The following CHST11 variants were observed in gnomAD, a reference collection of about 807,000 sequenced individuals.
CHST11 encodes carbohydrate sulfotransferase 11.
Under a neutral mutation model 30.4 loss-of-function variants are expected in CHST11, and 9 were observed. The ratio of observed to expected loss-of-function variants is 0.30; its 90% CI spans 0.18 to 0.52. The LOEUF (loss-of-function observed/expected upper bound fraction) is 0.52. Among genes scored for constraint, CHST11 ranks in the 20% least tolerant of loss-of-function variants. The probability of loss-of-function intolerance (pLI) is 0.97; values close to 1 mark genes in which losing one functional copy is unlikely to be tolerated. For synonymous variants in CHST11, 152 were observed against 187.8 expected (o/e 0.81, Z 1.56); for missense variants, 348 against 460.6 (o/e 0.76, Z 2.24).
At chr12:104,685,603 C>T (rs2039839062) in intron 2 of CHST11, among the ~76,000 whole-genome samples, 1 of 152,234 alleles carries the variant, frequency 6.6e-6, no homozygotes, top group African/African-American at 2.4e-5. Flanking sequence ...TAGATGAACA[C>T]TTGCCTGTAG....
chr12:104,585,473 T>C (rs894721745), intron 1 of CHST11, among the ~76,000 whole-genome samples: 6 of 152,256 alleles, frequency 3.9e-5, no homozygotes, highest in Non-Finnish European at 8.8e-5. Context: ...AAATGGGAAC[T>C]AATTATGGCT....
intron 1 of CHST11, among the ~76,000 whole-genome samples, chr12:104,528,036 G>A (rs555502057): frequency 1.3e-5 from 2 of 152,332 alleles, no homozygotes; most frequent in East Asian, 1.9e-4. Context: ...GGGACTACAA[G>A]TGGAGATGAG....
intron 2 of CHST11, among the ~76,000 whole-genome samples, chr12:104,661,321 G>A (rs533175094): frequency 2.0e-4 from 30 of 152,170 alleles, no homozygotes; most frequent in Admixed American, 6.5e-4. Context: ...GAGATTACTA[G>A]TGTTTCCACC....
chr12:104,482,985 G>C (rs534954270), intron 1 of CHST11, among the ~76,000 whole-genome samples: 1 of 152,044 alleles, frequency 6.6e-6, no homozygotes, highest in Non-Finnish European at 1.5e-5. Context: ...TGCTGATTCG[G>C]GTCACCACAG....
At chr12:104,658,124 C>T (rs2039563417) in intron 2 of CHST11, among the ~76,000 whole-genome samples, 1 of 152,212 alleles carries the variant, frequency 6.6e-6, no homozygotes, top group African/African-American at 2.4e-5. Context: ...TATGCCGCCC[C>T]CAACCTGCAG....
At chr12:104,655,857 G>A (rs58788113) in intron 2 of CHST11, among the ~76,000 whole-genome samples, 8,076 of 152,214 alleles carry the variant, frequency 0.053, 420 homozygotes, top group African/African-American at 0.14. Flanking sequence ...TAAATTCAGG[G>A]TGTTTTTCTC....
rs117077908 is a variant in CHST11, at chr12:104,737,621, C to T, written c.205-19328C>T. On this transcript the variant is annotated intron_variant, in intron 2 of 2. Coordinates refer to ENST00000303694, the MANE Select transcript of CHST11 (RefSeq NM_018413.6). ...GATCTTTCTGCTTCATTCCAGATCTCGCATTGACCCTTTTGCCCAGTGCCT... is the reference window on the plus strand; with the variant it reads ...GATCTTTCTGCTTCATTCCAGATCTTGCATTGACCCTTTTGCCCAGTGCCT... 1.4e-3 allele frequency among the ~76,000 whole-genome samples: 219 copies of T among 152,316 alleles called. 1 individual carries two copies. The East Asian group carries it at 0.022, about 15-fold the overall frequency.
chr12:104,567,055 A>G (rs1270349491), intron 1 of CHST11, among the ~76,000 whole-genome samples: 2 of 152,150 alleles, frequency 1.3e-5, no homozygotes, highest in Non-Finnish European at 2.9e-5. Context: ...CCTCCCGCCC[A>G]ATACATTTAA....
intron 2 of CHST11, among the ~76,000 whole-genome samples, chr12:104,695,238 T>A (rs2039933199): frequency 6.6e-6 from 1 of 152,156 alleles, no homozygotes; most frequent in Non-Finnish European, 1.5e-5. Context: ...CCAACATTCC[T>A]CGAATGCTCC....
intron 2 of CHST11, among the ~76,000 whole-genome samples, chr12:104,635,283 ACT>A (rs1487803106): frequency 1.3e-5 from 2 of 152,010 alleles, no homozygotes; most frequent in Non-Finnish European, 2.9e-5. Context: ...GGGAAGTGAG[ACT>A]CTCCACATTT....
chr12:104,544,165 A>AGGAAG (rs1565981263), intron 1 of CHST11, among the ~76,000 whole-genome samples: 15 of 42,718 alleles, frequency 3.5e-4, no homozygotes, highest in African/African-American at 8.4e-4. Context: ...AAAGAAAGAA[A>AGGAAG]GAAAGAAAGA....
At chr12:104,613,204 G>GA (rs145171796) in intron 2 of CHST11, among the ~76,000 whole-genome samples, 77 of 142,912 alleles carry the variant, frequency 5.4e-4, no homozygotes, top group African/African-American at 1.0e-3. Flanking sequence ...GTCTCAAAAA[G>GA]AAAAAAAAAA....
intron 2 of CHST11, among the ~76,000 whole-genome samples, chr12:104,679,525 A>G: frequency 6.6e-6 from 1 of 152,072 alleles, no homozygotes; most frequent in Non-Finnish European, 1.5e-5. Context: ...TTGAGAAGGA[A>G]GAGTTGGGAA....
chr12:104,533,964 C>T (rs1312203537), intron 1 of CHST11, among the ~76,000 whole-genome samples: 1 of 152,156 alleles, frequency 6.6e-6, no homozygotes, highest in Non-Finnish European at 1.5e-5. Flanking sequence ...AATTTACCCC[C>T]ATCCCCAAAT....
chr12:104,707,921 C>T (rs2040050525), intron 2 of CHST11, among the ~76,000 whole-genome samples: 1 of 152,244 alleles, frequency 6.6e-6, no homozygotes. Flanking sequence ...TGCACATAGA[C>T]ACATGCAGGC....
intron 2 of CHST11, among the ~76,000 whole-genome samples, chr12:104,614,579 G>A (rs2039089946): frequency 6.6e-6 from 1 of 152,034 alleles, no homozygotes; most frequent in African/African-American, 2.4e-5. Context: ...TCCTATATGA[G>A]TTTAATACAT....
rs2039742656 is a variant in CHST11 at position 104,676,312 on chromosome 12, G to C, written c.204+74321G>C. Among the ~76,000 whole-genome samples the C allele has an allele frequency of 6.6e-6, 1 of 152,166 alleles. No homozygotes were observed. The highest frequency in any genetic ancestry group is 2.1e-4 in the South Asian group (1 of 4,830). On this transcript the variant is annotated intron_variant, in intron 2 of 2. Transcript: ENST00000303694. The surrounding 1 kb of genome is among the most constrained non-coding windows in gnomAD (Gnocchi z 4.4). ...TTCCAGAGGTTCCAGTGGAGAATCT[G>C]TCCCTTGCCTTTTTTAGCTATTAGA...
At chr12:104,701,455 G>A (rs1021809696) in intron 2 of CHST11, among the ~76,000 whole-genome samples, 4 of 152,142 alleles carry the variant, frequency 2.6e-5, no homozygotes, top group Admixed American at 6.5e-5. Flanking sequence ...AAGTGAACCC[G>A]GCGGGCACAC....
In CHST11 at chr12:104,626,620, A is replaced by G. The variant is rs558777841; in HGVS notation, c.204+24629A>G. ...AAACATGGTCAAAATATACTTGTGC[A>G]TGTAAATGTGGTATTTCCTGGGAGA... On this transcript the variant is annotated intron_variant, in intron 2 of 2. Transcript: ENST00000303694. 1.1e-4 allele frequency among the ~76,000 whole-genome samples: 16 copies of G among 150,034 alleles called. No individual in the cohort carries two copies. The East Asian group carries it at 3.1e-3, about 29-fold the overall frequency.
Sources: gnomAD v4.1 joint callset for allele counts (sites outside exome capture counted in the v4.1 genomes callset) on GRCh38, gnomAD v4.1.1 for gene constraint, Gnocchi (gnomAD v3.1) non-coding constraint, MANE v1.5 for transcripts, NCBI Gene and HGNC (gene_info 2026-07-23, HGNC 2026-07-21) for gene names.